The following BCAS1 variants were observed in gnomAD, a reference collection of about 807,000 sequenced individuals.
The protein encoded by BCAS1 is brain enriched myelin associated protein 1.
A neutral mutation model predicts 65.4 loss-of-function variants in BCAS1; 46 were observed. The observed-to-expected ratio is 0.70, with a 90% confidence interval of 0.55 to 0.90. The LOEUF is 0.90. Among genes scored for constraint, BCAS1 ranks in the 40% least tolerant of loss-of-function variants. The pLI is 0.00. For synonymous variants in BCAS1, 298 were observed against 293.5 expected, an observed-to-expected ratio of 1.02 and a Z score of -0.16; for missense variants, 793 against 771.2, an observed-to-expected ratio of 1.03 and a Z score of -0.33.
At position 54,007,597 on chromosome 20, in the gene BCAS1, G is replaced by A. The variant is rs118104297; in HGVS notation, c.724-11547C>T. 4.0e-4 allele frequency among the ~76,000 whole-genome samples: 61 copies of A among 152,334 alleles called. No individual in the cohort carries two copies. In the East Asian group the frequency reaches 0.012, roughly 29 times the overall value. On this transcript the variant is annotated intron_variant, in intron 4 of 12. Transcript: ENST00000688948. ...CCTGCCTTGGACAGACAGTAGCTAT[G>A]GAGGAGCAAGATCTGCCGGCCCAGG...
chr20:53,955,799 G>A (rs1430294807), intron 11 of BCAS1, among the ~76,000 whole-genome samples: 1 of 81,476 alleles, frequency 1.2e-5, no homozygotes, highest in Admixed American at 1.2e-4. Context: ...GATGTTTCTA[G>A]CTTATTTGGA....
intron 12 of BCAS1, among the ~76,000 whole-genome samples, chr20:53,950,418 C>G (rs560390501): frequency 4.1e-5 from 6 of 144,646 alleles, no homozygotes; most frequent in African/African-American, 1.6e-4. Flanking sequence ...TGGGATCCAC[C>G]GATTAAAAGT....
At chr20:54,021,321 C>G (rs2091553037) in intron 4 of BCAS1, among the ~76,000 whole-genome samples, 1 of 151,382 alleles carries the variant, frequency 6.6e-6, no homozygotes, top group South Asian at 2.1e-4. Flanking sequence ...GAGTCACACA[C>G]ATTTTTCGGT....
rs779797312 is a variant in BCAS1, at chr20:53,985,297, A to G, written c.1265T>C (p.Phe422Ser). 1 of 1,613,186 alleles carries G rather than the reference A, an allele frequency of 6.2e-7. No individual in the cohort carries two copies. Among genetic ancestry groups the G allele is most frequent in the South Asian group, 1.1e-5 (1 of 91,048 alleles). Reference sequence around the variant, plus strand: ...GAAAATCAGACTTACCTTTTTCCAAAACAGTTTGCCCAGAGGCAGAGAGGT... The same window carrying G: ...GAAAATCAGACTTACCTTTTTCCAAGACAGTTTGCCCAGAGGCAGAGAGGT... ...GPTSLPLGKLFWKKSVKEDSV... is the reference protein window; with the variant it reads ...GPTSLPLGKLSWKKSVKEDSV... Residue 422 changes from phenylalanine (F) to serine (S), a missense_variant, in exon 8 of 13, where the codon TTT becomes TCT. By Grantham distance (155) the Phe-to-Ser change is radical. Transcript: ENST00000688948.
intron 3 of BCAS1, among the ~76,000 whole-genome samples, chr20:54,041,909 C>A (rs71323986): frequency 0.58 from 45,605 of 78,732 alleles, 13,277 homozygotes; most frequent in Middle Eastern, 0.66. Context: ...CTGTCTCCCC[C>A]AAAAAAAAAA....
chr20:54,003,050 A>T (rs1209341134), intron 4 of BCAS1, among the ~76,000 whole-genome samples: 3 of 152,178 alleles, frequency 2.0e-5, no homozygotes, highest in Non-Finnish European at 4.4e-5. Flanking sequence ...TCACAGGTTG[A>T]GGAACCCCAG....
At chr20:53,953,245 G>A (rs2089585780) in intron 12 of BCAS1, among the ~76,000 whole-genome samples, 187 bp downstream of exon 12, 1 of 152,184 alleles carries the variant, frequency 6.6e-6, no homozygotes, top group African/African-American at 2.4e-5. Context: ...ATTTGCTCAA[G>A]GTCTCAGCTT....
intron 7 of BCAS1, among the ~76,000 whole-genome samples, chr20:53,989,396 C>T (rs527607949): frequency 6.6e-6 from 1 of 152,284 alleles, no homozygotes; most frequent in East Asian, 1.9e-4. Flanking sequence ...ATCTCTTTTG[C>T]TAGAGTCTTG....
rs148753875 is a variant in BCAS1 at position 54,043,541 on chromosome 20, C to A, written c.142+14544G>T. ...ATTATTGGCTCAGGGTTTCCCAGGGCAGCCATCCTTGAAGCTGTGTGGAGC... is the reference window on the plus strand; with the variant it reads ...ATTATTGGCTCAGGGTTTCCCAGGGAAGCCATCCTTGAAGCTGTGTGGAGC... On this transcript the variant is annotated intron_variant, in intron 3 of 12. Transcript: ENST00000688948. Among the ~76,000 whole-genome samples, 276 of 152,274 alleles carry A rather than the reference C, an allele frequency of 1.8e-3. 1 individual carries two copies. The highest frequency in any genetic ancestry group is 6.5e-3 in the African/African-American group (270 of 41,544).
intron 4 of BCAS1, among the ~76,000 whole-genome samples, chr20:54,019,972 G>A (rs1360662156): frequency 6.6e-6 from 1 of 152,214 alleles, no homozygotes; most frequent in Non-Finnish European, 1.5e-5. Context: ...TTGTGATAAT[G>A]TGAGGCAATT....
intron 3 of BCAS1, among the ~76,000 whole-genome samples, chr20:54,056,242 C>T (rs1000308405): frequency 6.6e-6 from 1 of 151,908 alleles, no homozygotes; most frequent in Non-Finnish European, 1.5e-5. Context: ...TACACATACA[C>T]ACACACACAC....
At chr20:54,041,308 G>A (rs1057248734) in intron 3 of BCAS1, among the ~76,000 whole-genome samples, 1 of 151,312 alleles carries the variant, frequency 6.6e-6, no homozygotes. Context: ...ACTCTAAAAG[G>A]TGAATTTTAT....
intron 4 of BCAS1, among the ~76,000 whole-genome samples, chr20:54,025,010 CCTT>C (rs1296848669): frequency 2.0e-5 from 3 of 152,180 alleles, no homozygotes; most frequent in African/African-American, 7.2e-5. Flanking sequence ...ATTATACACT[CCTT>C]GACAGACGAG....
chr20:54,003,384 T>C (rs902897943), intron 4 of BCAS1, among the ~76,000 whole-genome samples: 3 of 152,218 alleles, frequency 2.0e-5, no homozygotes, highest in African/African-American at 7.2e-5. Flanking sequence ...GCTTCTGTCT[T>C]CCCTTTTGAA....
intron 12 of BCAS1, among the ~76,000 whole-genome samples, chr20:53,945,926 C>G (rs537817285): frequency 2.0e-5 from 3 of 152,028 alleles, no homozygotes; most frequent in Admixed American, 1.3e-4. Flanking sequence ...TGCACACCAC[C>G]AAACTCAGCT....
chr20:53,966,136 C>A (rs1365016987), intron 10 of BCAS1, among the ~76,000 whole-genome samples: 3 of 152,006 alleles, frequency 2.0e-5, no homozygotes, highest in Non-Finnish European at 2.9e-5. Flanking sequence ...GGTATCTACC[C>A]AAAGGAAAAT....
At chr20:53,957,392 C>T in intron 11 of BCAS1, 40 bp downstream of exon 11, 1 of 1,544,734 alleles carries the variant, frequency 6.5e-7, no homozygotes, top group Non-Finnish European at 9.0e-7. Flanking sequence ...TGAGAATACA[C>T]CACTAATCCC....
intron 1 of BCAS1, among the ~76,000 whole-genome samples, chr20:54,059,285 G>A (rs2092347041): frequency 6.6e-6 from 1 of 152,168 alleles, no homozygotes; most frequent in Admixed American, 6.5e-5. Flanking sequence ...AAAGTTAAAT[G>A]CAGTCATAAT....
intron 8 of BCAS1, among the ~76,000 whole-genome samples, chr20:53,979,922 G>A (rs117504234): frequency 6.6e-6 from 1 of 152,150 alleles, no homozygotes; most frequent in South Asian, 2.1e-4. Context: ...AATTTTTCTT[G>A]AGTAATTCTA....
Sources: allele counts gnomAD v4.1 joint callset (sites outside exome capture counted in the v4.1 genomes callset), GRCh38; gene constraint gnomAD v4.1.1; transcripts MANE v1.5; gene names NCBI Gene and HGNC (gene_info 2026-07-23, HGNC 2026-07-21).